The following ZBTB2 variants were observed in gnomAD, a reference collection of about 807,000 sequenced individuals.
ZBTB2 encodes zinc finger and BTB domain-containing protein 2.
Under a neutral mutation model 39.5 loss-of-function variants are expected in ZBTB2, and 2 were observed. The observed-to-expected ratio is 0.05, with a 90% confidence interval of 0.02 to 0.16. The LOEUF (loss-of-function observed/expected upper bound fraction) is 0.16. Among genes scored for constraint, ZBTB2 ranks in the 10% least tolerant of loss-of-function variants. ZBTB2 has a pLI of 1.00. For missense variants in ZBTB2, 391 were observed against 653.0 expected (o/e 0.60, Z 4.37); for synonymous variants, 251 against 256.6 (o/e 0.98, Z 0.21).
chr6:151,390,233 G>A (rs1182296305), intron 1 of ZBTB2, among the ~76,000 whole-genome samples: 2 of 151,248 alleles, frequency 1.3e-5, no homozygotes, highest in African/African-American at 4.8e-5. Flanking sequence ...AGGCCGACGC[G>A]TCCCCCGCCC....
At chr6:151,382,960 CTG>C (rs1258304585) in intron 1 of ZBTB2, among the ~76,000 whole-genome samples, 1 of 148,320 alleles carries the variant, frequency 6.7e-6, no homozygotes, top group Admixed American at 6.7e-5. Flanking sequence ...GAGTCTCACT[CTG>C]TTGCTCTGGC....
At chr6:151,376,372 G>A (rs375433722) in intron 1 of ZBTB2, among the ~76,000 whole-genome samples, 4 of 152,200 alleles carry the variant, frequency 2.6e-5, no homozygotes, top group Non-Finnish European at 2.9e-5. Flanking sequence ...TTTGCTCTCC[G>A]AAAGACCTCA....
chr6:151,378,536 C>T (rs1177297475), intron 1 of ZBTB2, among the ~76,000 whole-genome samples: 2 of 152,222 alleles, frequency 1.3e-5, no homozygotes. Context: ...AGAAACATCA[C>T]TCTAACCTGA....
At chr6:151,367,085 C>T (rs987928280) in intron 2 of ZBTB2, among the ~76,000 whole-genome samples, 193 bp from the exon 3 acceptor site, 3 of 151,838 alleles carry the variant, frequency 2.0e-5, no homozygotes, top group Admixed American at 1.3e-4. Context: ...ATATCTTAAT[C>T]CACAGATTCT....
chr6:151,369,054 C>T (rs9371213), intron 2 of ZBTB2, among the ~76,000 whole-genome samples: 12,569 of 152,196 alleles, frequency 0.083, 812 homozygotes, highest in African/African-American at 0.18. Flanking sequence ...TGAACCACCG[C>T]GCCTGGCTGA....
At chr6:151,379,107 A>G (rs1778978558) in intron 1 of ZBTB2, among the ~76,000 whole-genome samples, 1 of 152,194 alleles carries the variant, frequency 6.6e-6, no homozygotes, top group Non-Finnish European at 1.5e-5. Context: ...ACTTATTATA[A>G]AAGATTCAAA....
intron 1 of ZBTB2, among the ~76,000 whole-genome samples, chr6:151,383,248 C>T (rs947681986): frequency 6.6e-6 from 1 of 151,866 alleles, no homozygotes; most frequent in Non-Finnish European, 1.5e-5. Flanking sequence ...TGGGGTCTTG[C>T]TATGTTGCCC....
At chr6:151,368,022 T>G (rs1325661046) in intron 2 of ZBTB2, among the ~76,000 whole-genome samples, 1 of 152,262 alleles carries the variant, frequency 6.6e-6, no homozygotes, top group Non-Finnish European at 1.5e-5. Context: ...GACAATGCAT[T>G]TCAAATTCAA....
At chr6:151,382,242 AT>A (rs1779049387) in intron 1 of ZBTB2, among the ~76,000 whole-genome samples, 1 of 152,154 alleles carries the variant, frequency 6.6e-6, no homozygotes. Flanking sequence ...ATGACTATGT[AT>A]GAAAAAATAC....
Position 151,373,486 on chromosome 6 carries a change from A to T in ZBTB2, c.152T>A (p.Met51Lys). 1 of 1,614,114 alleles carries T rather than the reference A, an allele frequency of 6.2e-7. No individual in the cohort carries two copies. Among genetic ancestry groups the T allele is most frequent in the Non-Finnish European group, 8.5e-7 (1 of 1,180,020 alleles). Residue 51 changes from methionine (M) to lysine (K), a missense_variant, in exon 2 of 3, where the codon ATG (methionine) becomes AAG (lysine). By Grantham distance (95) the Met-to-Lys change is moderately conservative. This residue lies in a region of ZBTB2 where 38 missense variants were observed against 109.2 expected (regional missense o/e 0.35). Coordinates refer to ENST00000325144, the MANE Select transcript of ZBTB2 (RefSeq NM_020861.3). ...TTACCTGGTCTGATGGACAAACAAC[A>T]TCTTAAAGTAATTGGAGAATGAAGC... Reference protein sequence around the residue: ...VLASFSNYFKMLFVHQTSECV... With the variant: ...VLASFSNYFKKLFVHQTSECV...
chr6:151,382,934 T>G (rs565882453), intron 1 of ZBTB2, among the ~76,000 whole-genome samples: 169 of 152,072 alleles, frequency 1.1e-3, no homozygotes, highest in African/African-American at 4.0e-3. Flanking sequence ...CTAATTTTTT[T>G]TTTTTTTTTT....
rs996347763 is a variant in ZBTB2, at chr6:151,366,219, A to G, written c.847T>C (p.Ser283Pro). 6.2e-7 allele frequency: 1 copy of G among 1,613,930 alleles called. No individual in the cohort carries two copies. Among genetic ancestry groups the G allele is most frequent in the African/African-American group, 1.3e-5 (1 of 74,886 alleles). ...LQIHTGVPFT[S>P]SQQGESRVPL... ...ACGCGACTTTCTCCCTGTTGGCTAG[A>G]TGTGAAAGGTACTCCTGTGTGGATC... The change falls in exon 3 of 3, where the codon TCT becomes CCT. Residue 283 changes from serine to proline, a missense_variant. Coordinates refer to ENST00000325144, the MANE Select transcript of ZBTB2 (RefSeq NM_020861.3). This position sits in a 1 kb window ranked among gnomAD's most constrained non-coding sequence, Gnocchi z 7.1.
chr6:151,377,403 T>C (rs1233355498), intron 1 of ZBTB2, among the ~76,000 whole-genome samples: 2 of 149,452 alleles, frequency 1.3e-5, no homozygotes, highest in Non-Finnish European at 2.9e-5. Flanking sequence ...AGTTTCGCTC[T>C]TGTTGCCCAG....
At chr6:151,382,456 T>G (rs1031562509) in intron 1 of ZBTB2, among the ~76,000 whole-genome samples, 1 of 151,976 alleles carries the variant, frequency 6.6e-6, no homozygotes, top group Non-Finnish European at 1.5e-5. Context: ...GGTTTCTCCA[T>G]GTTGGTCAGG....
intron 2 of ZBTB2, among the ~76,000 whole-genome samples, chr6:151,372,144 C>T (rs1304871384): frequency 6.6e-5 from 10 of 152,084 alleles, no homozygotes; most frequent in Non-Finnish European, 1.5e-4. Context: ...TTACCAAAGG[C>T]CCAGGTTTAG....
intron 1 of ZBTB2, among the ~76,000 whole-genome samples, chr6:151,382,850 T>C (rs1267057025): frequency 1.3e-5 from 2 of 151,376 alleles, no homozygotes; most frequent in East Asian, 3.9e-4. Context: ...CCACTGGACC[T>C]TGCCCTGAAA....
In ZBTB2 at chr6:151,373,460, G is replaced by C; in HGVS notation, c.173+5C>G. The C allele has an allele frequency of 6.2e-7, 1 of 1,614,102 alleles. No individual in the cohort carries two copies. The highest frequency in any genetic ancestry group is 8.5e-7 in the Non-Finnish European group (1 of 1,179,986). Reference sequence around the variant, plus strand: ...CATTAGGTTATTAGCAACCACTTTAGTTACCTGGTCTGATGGACAAACAAC... The same window carrying C: ...CATTAGGTTATTAGCAACCACTTTACTTACCTGGTCTGATGGACAAACAAC... On this transcript the variant is annotated splice_donor_5th_base_variant and intron_variant, in intron 2 of 2. Transcript: ENST00000325144.
intron 1 of ZBTB2, 29 bp from the exon 2 acceptor site, chr6:151,373,678 A>G (rs1054126535): frequency 1.3e-6 from 2 of 1,594,544 alleles, no homozygotes; most frequent in African/African-American, 2.7e-5. Context: ...TATTTTTAAG[A>G]AGGTGATTCA....
chr6:151,376,874 C>T (rs145931421), intron 1 of ZBTB2, among the ~76,000 whole-genome samples: 7 of 152,286 alleles, frequency 4.6e-5, no homozygotes, highest in East Asian at 1.9e-4. Context: ...AACTTATGTT[C>T]ACACAAAAAC....
Sources: gnomAD v4.1 joint callset for allele counts (sites outside exome capture counted in the v4.1 genomes callset) on GRCh38, gnomAD v4.1.1 for gene constraint, gnomAD v4.1.1 regional missense constraint, Gnocchi (gnomAD v3.1) non-coding constraint, MANE v1.5 for transcripts, NCBI Gene and HGNC (gene_info 2026-07-23, HGNC 2026-07-21) for gene names.